Variants in NLGN1 observed in about 807,000 individuals in gnomAD.
NLGN1 encodes the protein neuroligin-1.
Under a neutral mutation model 65.5 loss-of-function variants are expected in NLGN1, and 12 were observed. That is an observed-to-expected ratio of 0.18 (90% CI 0.12 to 0.30). The LOEUF is 0.30. Ranked by LOEUF, NLGN1 falls within the 10% of genes least tolerant of loss-of-function variation. The pLI is 1.00. For missense variants in NLGN1, 750 were observed against 1,007.1 expected, an observed-to-expected ratio of 0.74 and a Z score of 3.46; for synonymous variants, 350 against 359.5, an observed-to-expected ratio of 0.97 and a Z score of 0.30.
At chr3:174,170,206 A>G (rs1398931404) in intron 4 of NLGN1, among the ~76,000 whole-genome samples, 2 of 151,956 alleles carry the variant, frequency 1.3e-5, no homozygotes, top group African/African-American at 2.4e-5. Context: ...GAAAACCTCT[A>G]ATCTATCATC....
chr3:173,760,976 A>G (rs1777890346), intron 3 of NLGN1, among the ~76,000 whole-genome samples: 1 of 152,068 alleles, frequency 6.6e-6, no homozygotes, highest in Non-Finnish European at 1.5e-5. Flanking sequence ...ACAATCATGC[A>G]GTTTTAACTC....
rs150060053 is a variant in NLGN1, at chr3:173,550,824, T to C, written c.-320-53455T>C. 2.6e-3 allele frequency among the ~76,000 whole-genome samples: 401 copies of C among 152,260 alleles called. 1 individual carries two copies. The highest frequency in any genetic ancestry group is 8.8e-3 in the African/African-American group (366 of 41,570). ...TACTATTCAGAAACATTATAGACAT[T>C]GAATGGCTGTGATTCATTAAAATAT... On this transcript the variant is annotated intron_variant, in intron 2 of 6. Coordinates refer to ENST00000457714, the Ensembl canonical transcript of NLGN1.
intron 4 of NLGN1, among the ~76,000 whole-genome samples, chr3:173,828,434 T>G (rs963245103): frequency 7.2e-5 from 11 of 152,006 alleles, no homozygotes; most frequent in Non-Finnish European, 1.2e-4. Context: ...GATATAAGAG[T>G]TTTTCTGTGT....
intron 2 of NLGN1, among the ~76,000 whole-genome samples, chr3:173,587,282 TC>T (rs1747639104): frequency 6.6e-6 from 1 of 152,166 alleles, no homozygotes; most frequent in African/African-American, 2.4e-5. Context: ...AAAGTGACCT[TC>T]TCTTTGTTAT....
chr3:173,930,199 A>T (rs918007989), intron 4 of NLGN1, among the ~76,000 whole-genome samples: 65 of 152,218 alleles, frequency 4.3e-4, no homozygotes, highest in Admixed American at 1.3e-3. Flanking sequence ...GGAGATTTAT[A>T]CTTTAATATC....
intron 4 of NLGN1, among the ~76,000 whole-genome samples, chr3:174,204,885 A>T (rs1277893992): frequency 6.6e-6 from 1 of 152,062 alleles, no homozygotes; most frequent in Non-Finnish European, 1.5e-5. Context: ...ATCTTTTTGG[A>T]TTACTCATTT....
intron 3 of NLGN1, among the ~76,000 whole-genome samples, chr3:173,804,453 T>A (rs1415370343): frequency 1.2e-4 from 19 of 152,054 alleles, no homozygotes; most frequent in Non-Finnish European, 2.8e-4. Context: ...CTCTAAAAAA[T>A]TAATTATAAA....
In NLGN1 at chr3:173,406,511, TC is replaced by T. The variant is rs199777989; in HGVS notation, c.-390+8025del. ...TCTATGAATCAAATATATATATGAA[TC>T]ACATATATATGAATAGATATATATA... is the stretch of plus-strand genomic sequence containing the variant. On this transcript the variant is annotated intron_variant, in intron 1 of 6. Coordinates refer to ENST00000457714, the Ensembl canonical transcript of NLGN1. Among the ~76,000 whole-genome samples the T allele has an allele frequency of 5.3e-3, 776 of 147,774 alleles. 7 individuals are homozygous for T. The highest frequency in any genetic ancestry group is 0.018 in the African/African-American group (733 of 40,154).
chr3:173,499,609 G>T (rs1341535467), intron 2 of NLGN1, among the ~76,000 whole-genome samples: 1 of 151,866 alleles, frequency 6.6e-6, no homozygotes, highest in African/African-American at 2.4e-5. Flanking sequence ...TTGGTAGCTT[G>T]ATGGAGATGG....
intron 3 of NLGN1, among the ~76,000 whole-genome samples, chr3:173,788,794 T>C (rs1166187277): frequency 1.7e-5 from 2 of 117,018 alleles, no homozygotes; most frequent in African/African-American, 3.3e-5. Flanking sequence ...GAATAGCCAC[T>C]ACCATAATCC....
At chr3:174,213,411 A>G (rs74413897) in intron 4 of NLGN1, among the ~76,000 whole-genome samples, 6,553 of 152,296 alleles carry the variant, frequency 0.043, 176 homozygotes, top group South Asian at 0.065. Context: ...TAAAGAAACC[A>G]TGATTCTAAG....
At chr3:173,533,888 GAGA>G (rs1457682937) in intron 2 of NLGN1, among the ~76,000 whole-genome samples, 1 of 151,996 alleles carries the variant, frequency 6.6e-6, no homozygotes, top group Non-Finnish European at 1.5e-5. Context: ...AGGATGAGGT[GAGA>G]AGATTGCTTG....
intron 4 of NLGN1, among the ~76,000 whole-genome samples, chr3:174,030,340 G>A (rs1469822974): frequency 1.3e-5 from 2 of 151,936 alleles, no homozygotes; most frequent in Non-Finnish European, 2.9e-5. Context: ...TGGCCAGGCT[G>A]GTCTCGAACT....
chr3:173,686,021 C>T lies in NLGN1; in HGVS notation c.493+80930C>T, dbSNP rs138995028. Among the ~76,000 whole-genome samples, 743 of 152,204 alleles carry T rather than the reference C, an allele frequency of 4.9e-3. 3 individuals carry two copies. The highest frequency in any genetic ancestry group is 7.6e-3 in the Non-Finnish European group (518 of 68,006). ...CAGAGTCTAGCAATCATTAACCATG[C>T]TCATTTGGGAAGGTGGCTAACAACT... On this transcript the variant is annotated intron_variant, in intron 3 of 6. Transcript: ENST00000457714.
At chr3:173,590,293 A>G (rs1315708079) in intron 2 of NLGN1, among the ~76,000 whole-genome samples, 2 of 152,128 alleles carry the variant, frequency 1.3e-5, no homozygotes, top group Non-Finnish European at 2.9e-5. Flanking sequence ...AGTGTTATCT[A>G]TTCTTTTTCT....
chr3:173,416,190 G>C (rs521363), intron 1 of NLGN1, among the ~76,000 whole-genome samples: 43,096 of 151,990 alleles, frequency 0.28, 6,414 homozygotes, highest in Middle Eastern at 0.4. Context: ...ACCACCAAAG[G>C]AGTGAGCATA....
chr3:173,943,788 A>G (rs1296919448), intron 4 of NLGN1, among the ~76,000 whole-genome samples: 1 of 152,236 alleles, frequency 6.6e-6, no homozygotes, highest in Non-Finnish European at 1.5e-5. Context: ...AAGCTTCCCA[A>G]GTGTGAAGCT....
At chr3:173,529,207 C>T (rs923359138) in intron 2 of NLGN1, among the ~76,000 whole-genome samples, 1 of 152,196 alleles carries the variant, frequency 6.6e-6, no homozygotes, top group East Asian at 1.9e-4. Flanking sequence ...TGGTCCTGTG[C>T]ACTTCTGTTG....
intron 4 of NLGN1, among the ~76,000 whole-genome samples, chr3:174,003,631 A>C (rs1723760811): frequency 6.6e-6 from 1 of 152,116 alleles, no homozygotes; most frequent in Non-Finnish European, 1.5e-5. Flanking sequence ...ATTTTTAAAA[A>C]CTCTAACATA....
Sources: allele counts gnomAD v4.1 joint callset (sites outside exome capture counted in the v4.1 genomes callset), GRCh38; gene constraint gnomAD v4.1.1; transcripts MANE v1.5; gene names NCBI Gene and HGNC (gene_info 2026-07-23, HGNC 2026-07-21).